Variants in JAK1 observed in about 807,000 individuals in gnomAD.
The protein encoded by JAK1 is tyrosine-protein kinase JAK1.
In JAK1, 16 loss-of-function variants were observed where a neutral mutation model predicts 136.6. That is an observed-to-expected ratio of 0.12 (90% CI 0.08 to 0.18). JAK1 has a LOEUF of 0.18. Among genes scored for constraint, JAK1 ranks in the 10% least tolerant of loss-of-function variants. The pLI, the probability that JAK1 is intolerant of heterozygous loss-of-function variation, is 1.00. For synonymous variants in JAK1, 492 were observed against 519.5 expected, an observed-to-expected ratio of 0.95 and a Z score of 0.72; for missense variants, 859 against 1,450.1, an observed-to-expected ratio of 0.59 and a Z score of 6.62.
At chr1:64,904,414 A>C (rs981632697) in intron 1 of JAK1, among the ~76,000 whole-genome samples, 3 of 152,244 alleles carry the variant, frequency 2.0e-5, no homozygotes, top group African/African-American at 7.2e-5. Flanking sequence ...ATGAGGGTCC[A>C]TAGTGAAAAA....
Position 64,984,006 on chromosome 1 carries a change from C to A in JAK1, c.-78+60474G>T, listed in dbSNP as rs1325803575. Among the ~76,000 whole-genome samples the A allele has an allele frequency of 6.6e-6, 1 of 152,132 alleles. No homozygotes were observed. The highest frequency in any genetic ancestry group is 1.5e-5 in the Non-Finnish European group (1 of 68,028). On this transcript the variant is annotated intron_variant, in intron 2 of 25. Transcript: ENST00000671954. The surrounding 1 kb of genome is among the most constrained non-coding windows in gnomAD (Gnocchi z 4.1). ...TCTCCCTAAATTCTCCTTATTGCACCTTAACCGCTCCAGCATCAAATCTTC... is the reference window on the plus strand; with the variant it reads ...TCTCCCTAAATTCTCCTTATTGCACATTAACCGCTCCAGCATCAAATCTTC...
At chr1:64,917,911 C>T (rs1645427119) in intron 1 of JAK1, among the ~76,000 whole-genome samples, 1 of 152,148 alleles carries the variant, frequency 6.6e-6, no homozygotes, top group Non-Finnish European at 1.5e-5. Context: ...CAAAAGGGTC[C>T]CTGCAACCTC....
At chr1:64,897,094 G>A (rs1164051263) in intron 1 of JAK1, among the ~76,000 whole-genome samples, 1 of 151,976 alleles carries the variant, frequency 6.6e-6, no homozygotes, top group African/African-American at 2.4e-5. Flanking sequence ...AGCTGAGTGA[G>A]GACAACATTC....
intron 2 of JAK1, among the ~76,000 whole-genome samples, chr1:64,986,825 T>C (rs897600125): frequency 3.3e-5 from 5 of 152,024 alleles, no homozygotes; most frequent in Non-Finnish European, 5.9e-5. Flanking sequence ...TGAGCCATGA[T>C]TGTGCCACTG....
intron 1 of JAK1, among the ~76,000 whole-genome samples, chr1:65,044,865 T>G (rs1647170637): frequency 6.6e-6 from 1 of 152,232 alleles, no homozygotes; most frequent in East Asian, 1.9e-4. Context: ...TCTCTGAGTT[T>G]GATTCTCTGT....
At chr1:64,872,855 A>T (rs1373719776) in intron 5 of JAK1, among the ~76,000 whole-genome samples, 2 of 152,252 alleles carry the variant, frequency 1.3e-5, no homozygotes, top group African/African-American at 2.4e-5. Flanking sequence ...ATCAGGAAGC[A>T]TACTACTAAA....
At chr1:64,970,212 G>A (rs1231052339), upstream of JAK1, among the ~76,000 whole-genome samples, 1 of 148,748 alleles carries the variant, frequency 6.7e-6, no homozygotes, top group Non-Finnish European at 1.5e-5. Flanking sequence ...GCCAAGACGG[G>A]GTGGATTGCT....
In JAK1 at chr1:64,860,071, C is replaced by T. The variant is rs200553158; in HGVS notation, c.1334+34G>A. The T allele has an allele frequency of 4.7e-5, 68 of 1,458,508 alleles. No individual in the cohort carries two copies. In the African/African-American group the frequency reaches 8.7e-4, roughly 19 times the overall value. The allele number at this position is 1,458,508 out of a possible 1,614,324, so 90.3% of individuals were successfully genotyped here. A position where few individuals can be genotyped will look rare whatever the true frequency, so the allele number is the denominator to read the frequency against. On this transcript the variant is annotated intron_variant, in intron 9 of 24. Coordinates refer to ENST00000342505, the MANE Select transcript of JAK1 (RefSeq NM_002227.4). ...ATCACTAAAACACGGGCTCTCTGCA[C>T]ACCAAAGGCAACTGATAAGGTTCTA...
At chr1:64,936,609 G>A (rs61784748) in intron 1 of JAK1, among the ~76,000 whole-genome samples, 10,814 of 152,216 alleles carry the variant, frequency 0.071, 505 homozygotes, top group South Asian at 0.11. Flanking sequence ...CAAGAGCTGA[G>A]AAACAGCACA....
chr1:64,913,966 G>A (rs1447704202), intron 1 of JAK1, among the ~76,000 whole-genome samples: 1 of 152,190 alleles, frequency 6.6e-6, no homozygotes, highest in Non-Finnish European at 1.5e-5. Context: ...ACTGGAGGGT[G>A]CGTTGGGGGG....
At chr1:64,988,708 C>A (rs1315463786) in intron 2 of JAK1, among the ~76,000 whole-genome samples, 2 of 150,154 alleles carry the variant, frequency 1.3e-5, no homozygotes, top group African/African-American at 4.9e-5. Flanking sequence ...CACAGTGAGA[C>A]CCTGCCTCTA....
Position 64,959,672 on chromosome 1 carries a change from C to A in JAK1, c.-78+6661G>T, listed in dbSNP as rs571621932. 3.9e-5 allele frequency among the ~76,000 whole-genome samples: 6 copies of A among 152,246 alleles called. No homozygotes were observed. The East Asian group carries it at 1.2e-3, about 29-fold the overall frequency. On this transcript the variant is annotated intron_variant, in intron 1 of 24. Transcript: ENST00000342505. The stretch of plus-strand genomic sequence containing the variant: ...TGGCACTTTAAATTAAATAAAAGCA[C>A]CTTTGTTAGTCATTTTTCCTTAAAA...
intron 2 of JAK1, among the ~76,000 whole-genome samples, chr1:64,971,849 G>A (rs376269016): frequency 4.7e-4 from 71 of 152,292 alleles, no homozygotes; most frequent in South Asian, 1.9e-3. Flanking sequence ...GTAAGCCACC[G>A]TGCTCGGCCT....
intron 1 of JAK1, chr1:65,066,744 CCCT>C (rs951064252): frequency 3.4e-4 from 52 of 153,354 alleles, no homozygotes; most frequent in African/African-American, 6.7e-4. Context: ...TCTTCTCCCT[CCCT>C]CCTCCTCCTC....
At chr1:64,869,174 A>C (rs531720233) in intron 6 of JAK1, 137 bp downstream of exon 6, 11 of 724,428 alleles carry the variant, frequency 1.5e-5, no homozygotes, top group Non-Finnish European at 2.6e-5. Flanking sequence ...TATGTAGTAA[A>C]CATTCTAAGG....
intron 1 of JAK1, among the ~76,000 whole-genome samples, chr1:65,054,178 AATT>A (rs1647420200): frequency 6.6e-6 from 1 of 152,134 alleles, no homozygotes; most frequent in Non-Finnish European, 1.5e-5. Flanking sequence ...TTCCAGCCTC[AATT>A]ATTATATTCT....
At chr1:64,866,272 T>C (rs1191225687) in intron 7 of JAK1, among the ~76,000 whole-genome samples, 3 of 152,222 alleles carry the variant, frequency 2.0e-5, no homozygotes, top group Admixed American at 2.0e-4. Flanking sequence ...ATATAAGTCA[T>C]GAAGCTAGGA....
intron 17 of JAK1, among the ~76,000 whole-genome samples, chr1:64,843,685 C>T (rs925582308): frequency 2.0e-5 from 3 of 152,098 alleles, no homozygotes; most frequent in East Asian, 3.8e-4. Context: ...TTTTCCCAAG[C>T]TTGATGCCTG....
chr1:64,925,485 A>G (rs1440815725), intron 1 of JAK1, among the ~76,000 whole-genome samples: 1 of 152,194 alleles, frequency 6.6e-6, no homozygotes, highest in Non-Finnish European at 1.5e-5. Context: ...AAAACTGTGT[A>G]TACATCATGG....
Sources: allele counts gnomAD v4.1 joint callset (sites outside exome capture counted in the v4.1 genomes callset), GRCh38; gene constraint gnomAD v4.1.1; non-coding constraint Gnocchi (gnomAD v3.1); transcripts MANE v1.5; gene names NCBI Gene and HGNC (gene_info 2026-07-23, HGNC 2026-07-21).